The following BCL2L10 variants were observed in gnomAD, a reference collection of about 807,000 sequenced individuals.
BCL2L10 encodes BCL2 like 10.
BCL2L10 carries 14 observed loss-of-function variants against 11.1 expected under a neutral mutation model. That is an observed-to-expected ratio of 1.26 (90% CI 0.83 to 1.96). The LOEUF (loss-of-function observed/expected upper bound fraction) is 1.96, where lower values mean the gene tolerates loss of function less well. BCL2L10 is among the 30% of genes most tolerant of loss of function. BCL2L10 has a pLI of 0.00. For synonymous variants in BCL2L10, 154 were observed against 133.4 expected, an observed-to-expected ratio of 1.15 and a Z score of -1.07; for missense variants, 309 against 273.9, an observed-to-expected ratio of 1.13 and a Z score of -0.90.
In BCL2L10 at chr15:52,112,491, G is replaced by C. The variant is rs755670714; in HGVS notation, c.236C>G (p.Ala79Gly). ...GYPGNRFELV[A>G]LMADSVLSDS... ...GGAGAGCACGGAATCCGCCATCAGC[G>C]CCACCAGCTCGAAGCGGTTCCCGGG... Residue 79 changes from alanine to glycine, a missense_variant, in exon 1 of 2, where the codon GCG becomes GGG. Transcript: ENST00000260442. 2 of 1,602,210 alleles carry C rather than the reference G, an allele frequency of 1.2e-6. No homozygotes were observed. Among genetic ancestry groups the C allele is most frequent in the African/African-American group, 2.7e-5 (2 of 74,534 alleles).
In BCL2L10 at chr15:52,112,711, G is replaced by A; in HGVS notation, c.16C>T (p.Arg6Trp). The A allele has an allele frequency of 6.5e-7, 1 of 1,535,968 alleles. No homozygotes were observed. Among genetic ancestry groups the A allele is most frequent in the Non-Finnish European group, 8.7e-7 (1 of 1,147,074 alleles). ...GGGTCGGCCATGGTGGTGCGCTCCCGCAACTGGTCAACCATGGTCCGGCCT... is the reference window on the plus strand; with the variant it reads ...GGGTCGGCCATGGTGGTGCGCTCCCACAACTGGTCAACCATGGTCCGGCCT... MVDQL[R>W]ERTTMADPLR... The change falls in exon 1 of 2, where the codon CGG becomes TGG. Residue 6 changes from arginine to tryptophan, a missense_variant. Coordinates refer to ENST00000260442, the MANE Select transcript of BCL2L10 (RefSeq NM_020396.4).
At position 52,112,426 on chromosome 15, in the gene BCL2L10, C is replaced by T; in HGVS notation, c.301G>A (p.Val101Met). ...TCCAGCAGCGTCCCTGCGAAGGTCA[C>T]GAGCGTCACCACTCTGCCCCAGGTG... ...GPTWGRVVTL[V>M]TFAGTLLERG... The change falls in exon 1 of 2, where the codon GTG (valine) becomes ATG (methionine). Residue 101 changes from valine to methionine, a missense_variant. Transcript: ENST00000260442. 1 of 1,607,274 alleles carries T rather than the reference C, an allele frequency of 6.2e-7. No individual in the cohort carries two copies.
Position 52,112,286 on chromosome 15 carries a change from C to A in BCL2L10, c.441G>T (p.Ser147=). The part of the protein sequence containing the change: ...DCQRLVALLS[S]RLMGQHRAWL... ...AGGCGCGGTGCTGCCCCATGAGCCG[C>A]GAGCTCAGCAAGGCCACCAGGCGCT... The change falls in exon 1 of 2, where the codon TCG becomes TCT. Residue 147 remains serine, a synonymous_variant. Coordinates refer to ENST00000260442, the MANE Select transcript of BCL2L10 (RefSeq NM_020396.4). The A allele has an allele frequency of 2.6e-6, 4 of 1,553,844 alleles. No homozygotes were observed. Among genetic ancestry groups the A allele is most frequent in the Non-Finnish European group, 3.5e-6 (4 of 1,156,734 alleles).
chr15:52,112,198 C>T, intron 1 of BCL2L10, 40 bp downstream of exon 1: 11 of 1,434,642 alleles, frequency 7.7e-6, no homozygotes, highest in East Asian at 2.7e-5. Flanking sequence ...TTCCCGGCTG[C>T]CCGTCCCGCC....
chr15:52,111,361 G>A (rs1424665943), intron 1 of BCL2L10, among the ~76,000 whole-genome samples: 1 of 151,922 alleles, frequency 6.6e-6, no homozygotes, highest in Non-Finnish European at 1.5e-5. Flanking sequence ...GCGAGACTCC[G>A]CCTCAAAGAA....
At chr15:52,111,399 G>GC (rs1487406710) in intron 1 of BCL2L10, among the ~76,000 whole-genome samples, 3 of 151,098 alleles carry the variant, frequency 2.0e-5, no homozygotes, top group African/African-American at 7.4e-5. Context: ...AATGGAAACT[G>GC]CCCCCAGGAG....
intron 1 of BCL2L10, 135 bp downstream of exon 1, chr15:52,112,103 C>G: frequency 7.2e-7 from 1 of 1,382,616 alleles, no homozygotes; most frequent in Non-Finnish European, 9.3e-7. Context: ...TCCAGGCCCG[C>G]TGAAACGAGC....
rs2141170085 is a variant in BCL2L10 at position 52,112,358 on chromosome 15, G to A, written c.369C>T (p.Phe123=). ...LVTARWKKWG[F]QPRLKEQEGD... ...CCTCCTGCTCCTTTAGCCGCGGCTG[G>A]AAGCCCCACTTCTTCCACCGGGCGG... Residue 123 remains phenylalanine (F), a synonymous_variant, in exon 1 of 2, where the codon TTC becomes TTT. Transcript: ENST00000260442. 6.2e-7 allele frequency: 1 copy of A among 1,602,716 alleles called. No individual in the cohort carries two copies. Among genetic ancestry groups the A allele is most frequent in the East Asian group, 2.2e-5 (1 of 44,610 alleles).
At position 52,112,634 on chromosome 15, in the gene BCL2L10, G is replaced by A. The variant is rs1161065062; in HGVS notation, c.93C>T (p.Ala31=). ...LLLADYLGYC[A]REPGTPEPAP... The stretch of plus-strand genomic sequence containing the variant: ...CCGGCTCGGGGGTGCCGGGTTCCCG[G>A]GCGCAGTACCCCAGGTAGTCGGCCA... The change falls in exon 1 of 2, where the codon GCC becomes GCT. Residue 31 remains alanine (A), a synonymous_variant. Transcript: ENST00000260442. 6.4e-7 allele frequency: 1 copy of A among 1,564,306 alleles called. No individual in the cohort carries two copies. The highest frequency in any genetic ancestry group is 2.3e-5 in the East Asian group (1 of 42,914).
chr15:52,112,210 C>T, intron 1 of BCL2L10, 28 bp downstream of exon 1: 1 of 1,462,522 alleles, frequency 6.8e-7, no homozygotes, highest in Non-Finnish European at 9.0e-7. Flanking sequence ...CGTCCCGCCC[C>T]GTGTCCCGGT....
Position 52,112,378 on chromosome 15 carries a change from G to C in BCL2L10, c.349C>G (p.Arg117Gly), listed in dbSNP as rs1596040598. 1.9e-6 allele frequency: 3 copies of C among 1,602,828 alleles called. No homozygotes were observed. The highest frequency in any genetic ancestry group is 2.2e-5 in the South Asian group (2 of 90,580). Reference protein sequence around the residue: ...LLERGPLVTARWKKWGFQPRL... With the variant: ...LLERGPLVTAGWKKWGFQPRL... ...GGCTGGAAGCCCCACTTCTTCCACC[G>C]GGCGGTCACCAGCGGCCCTCTCTCC... is the stretch of plus-strand genomic sequence containing the variant. The change falls in exon 1 of 2, where the codon CGG (arginine) becomes GGG (glycine). Residue 117 changes from arginine to glycine, a missense_variant. By Grantham distance (125) the Arg-to-Gly change is moderately radical. Coordinates refer to ENST00000260442, the MANE Select transcript of BCL2L10 (RefSeq NM_020396.4).
At chr15:52,110,872 C>T (rs2033043890) in intron 1 of BCL2L10, among the ~76,000 whole-genome samples, 1 of 152,176 alleles carries the variant, frequency 6.6e-6, no homozygotes, top group Admixed American at 6.5e-5. Flanking sequence ...GGGCCAGATG[C>T]CGTATTGAGA....
intron 1 of BCL2L10, among the ~76,000 whole-genome samples, chr15:52,111,544 C>T (rs537623665): frequency 6.6e-6 from 1 of 152,244 alleles, no homozygotes; most frequent in Non-Finnish European, 1.5e-5. Flanking sequence ...TCAGAGCCCC[C>T]AGAGGCATGC....
intron 1 of BCL2L10, among the ~76,000 whole-genome samples, chr15:52,111,352 C>A (rs140830535): frequency 3.3e-5 from 5 of 151,866 alleles, no homozygotes; most frequent in Non-Finnish European, 5.9e-5. Context: ...GGCCACAGAG[C>A]GAGACTCCGC....
In BCL2L10 at chr15:52,109,736, A is replaced by G. The variant is rs2231297; in HGVS notation, c.*112T>C. ...CTCAGGACTCCTTGTATGCATTCAGATAAAAACGTCTGGGGTGGGGGAAGG... is the reference window on the plus strand; with the variant it reads ...CTCAGGACTCCTTGTATGCATTCAGGTAAAAACGTCTGGGGTGGGGGAAGG... On this transcript the variant is annotated 3_prime_UTR_variant, in exon 2 of 2. Transcript: ENST00000260442. 0.18 allele frequency: 264,435 copies of G among 1,450,920 alleles called. 26,858 individuals carry two copies. The highest frequency in any genetic ancestry group is 0.41 in the Admixed American group (20,139 of 49,632). The allele number at this position is 1,450,920 out of a possible 1,614,324, so 89.9% of individuals were successfully genotyped here. A position where few individuals can be genotyped will look rare whatever the true frequency, so the allele number is the denominator to read the frequency against.
intron 1 of BCL2L10, among the ~76,000 whole-genome samples, chr15:52,110,594 T>G (rs2033039591): frequency 6.6e-6 from 1 of 152,078 alleles, no homozygotes; most frequent in Non-Finnish European, 1.5e-5. Context: ...CCACCGTGCT[T>G]GGCTAATTTT....
At position 52,109,973 on chromosome 15, in the gene BCL2L10, C is replaced by T; in HGVS notation, c.490G>A (p.Asp164Asn). ...RAWLQAQGGW[D>N]GFCHFFRTPF... ...GTCCTGAAGAAGTGACAAAAGCCATCCTACAGGGGGGAGAGAGAAAAGTTA... is the reference window on the plus strand; with the variant it reads ...GTCCTGAAGAAGTGACAAAAGCCATTCTACAGGGGGGAGAGAGAAAAGTTA... The change falls in exon 2 of 2, where the codon GAT becomes AAT. Residue 164 changes from aspartate (D) to asparagine (N), a missense_variant and splice_region_variant. Asp to Asn is a conservative substitution (Grantham distance 23). Coordinates refer to ENST00000260442, the MANE Select transcript of BCL2L10 (RefSeq NM_020396.4). 3.1e-6 allele frequency: 5 copies of T among 1,604,648 alleles called. No individual in the cohort carries two copies. The highest frequency in any genetic ancestry group is 3.4e-6 in the Non-Finnish European group (4 of 1,175,812).
intron 1 of BCL2L10, 177 bp downstream of exon 1, chr15:52,112,061 G>C: frequency 8.0e-7 from 1 of 1,245,354 alleles, no homozygotes; most frequent in South Asian, 1.9e-5. Flanking sequence ...TTCTGCCAGG[G>C]GAGGAGAAAC....
chr15:52,110,874 G>A (rs936959805), intron 1 of BCL2L10, among the ~76,000 whole-genome samples: 5 of 152,198 alleles, frequency 3.3e-5, no homozygotes, highest in Admixed American at 6.5e-5. Context: ...GCCAGATGCC[G>A]TATTGAGACA....
Sources: gnomAD v4.1 joint callset for allele counts (sites outside exome capture counted in the v4.1 genomes callset) on GRCh38, gnomAD v4.1.1 for gene constraint, MANE v1.5 for transcripts, NCBI Gene and HGNC (gene_info 2026-07-23, HGNC 2026-07-21) for gene names.